Variants in RBFOX1 observed in about 807,000 individuals in gnomAD.
RBFOX1 encodes RNA binding protein fox-1 homolog 1.
In RBFOX1, 8 loss-of-function variants were observed where a neutral mutation model predicts 57.7. That is an observed-to-expected ratio of 0.14 (90% CI 0.08 to 0.25). The LOEUF (loss-of-function observed/expected upper bound fraction) is 0.25, where lower values mean the gene tolerates loss of function less well. Ranked by LOEUF, RBFOX1 falls within the 10% of genes least tolerant of loss-of-function variation. The pLI is 1.00. For missense variants in RBFOX1, 611 were observed against 548.5 expected, an observed-to-expected ratio of 1.11 and a Z score of -1.14; for synonymous variants, 326 against 222.4, an observed-to-expected ratio of 1.47 and a Z score of -4.15.
At chr16:7,656,186 C>G (rs2066253814) in intron 12 of RBFOX1, among the ~76,000 whole-genome samples, 1 of 152,170 alleles carries the variant, frequency 6.6e-6, no homozygotes, top group African/African-American at 2.4e-5. Context: ...ACTAAGATTG[C>G]AAGCATTCAT....
At position 7,387,556 on chromosome 16, in the gene RBFOX1, C is replaced by A. The variant is rs147731501; in HGVS notation, c.28-130591C>A. Among the ~76,000 whole-genome samples the A allele has an allele frequency of 5.4e-3, 825 of 152,278 alleles. 8 individuals are homozygous for A. The highest frequency in any genetic ancestry group is 0.019 in the African/African-American group (772 of 41,558). On this transcript the variant is annotated intron_variant, in intron 4 of 15. Coordinates refer to ENST00000550418, the MANE Select transcript of RBFOX1 (RefSeq NM_018723.4). Reference sequence around the variant, plus strand: ...GGCAAGAAGAGAGTGGCACATTGATCTCAAACTGTGAAATAAATCCATACG... The same window carrying A: ...GGCAAGAAGAGAGTGGCACATTGATATCAAACTGTGAAATAAATCCATACG...
rs181867604 is a variant in RBFOX1 at position 6,162,361 on chromosome 16, T to C, written c.-127+142369T>C. On this transcript the variant is annotated intron_variant, in intron 1 of 15. Coordinates refer to ENST00000550418, the MANE Select transcript of RBFOX1 (RefSeq NM_018723.4). ...AACTCCTGGCCTTATGTGATCCACCTGCTTCCGCCTTCCAAACTGCTGGGA... is the reference window on the plus strand; with the variant it reads ...AACTCCTGGCCTTATGTGATCCACCCGCTTCCGCCTTCCAAACTGCTGGGA... 2.4e-3 allele frequency among the ~76,000 whole-genome samples: 358 copies of C among 152,292 alleles called. 5 individuals carry two copies. The highest frequency in any genetic ancestry group is 7.6e-3 in the African/African-American group (318 of 41,574).
chr16:5,830,880 G>A (rs1026422179), intron 3 of RBFOX1, among the ~76,000 whole-genome samples: 1 of 152,124 alleles, frequency 6.6e-6, no homozygotes, highest in Non-Finnish European at 1.5e-5. Context: ...TAGAATGATT[G>A]GCTTTTGCTG....
chr16:7,360,978 A>G lies in RBFOX1; in HGVS notation c.28-157169A>G, dbSNP rs143396372. ...CATTCCAAAGGCAACCTGAGTCCTC[A>G]GCCTCTGTGTGCCATGATGAGAAAG... On this transcript the variant is annotated intron_variant, in intron 4 of 15. Transcript: ENST00000550418. 4.5e-4 allele frequency among the ~76,000 whole-genome samples: 69 copies of G among 152,318 alleles called. 1 individual carries two copies. The East Asian group carries it at 0.013, about 28-fold the overall frequency.
At chr16:7,411,680 G>A (rs1373409074) in intron 4 of RBFOX1, among the ~76,000 whole-genome samples, 1 of 151,994 alleles carries the variant, frequency 6.6e-6, no homozygotes, top group Non-Finnish European at 1.5e-5. Context: ...AAGGTGGGTG[G>A]ATCACCTGAG....
In RBFOX1 at chr16:5,556,322, C is replaced by T. The variant is rs141983628; in HGVS notation, c.259-42580C>T. ...TGTAAACGGTGGTATTCGTGATTGG[C>T]TCTGGTGGGGCCTTGCCTACCCTCC... On this transcript the variant is annotated intron_variant, in intron 2 of 2. Transcript: ENST00000585867. Among the ~76,000 whole-genome samples the T allele has an allele frequency of 2.0e-5, 3 of 152,270 alleles. No homozygotes were observed. In the East Asian group the frequency reaches 5.8e-4, roughly 29 times the overall value.
At chr16:6,569,674 A>C (rs1163182149) in intron 2 of RBFOX1, among the ~76,000 whole-genome samples, 2 of 152,108 alleles carry the variant, frequency 1.3e-5, no homozygotes, top group Non-Finnish European at 2.9e-5. Context: ...TTCTGTGGGA[A>C]CCCATCCTGT....
chr16:5,989,880 A>ACACACACACACACAC (rs33912010), intron 4 of RBFOX1, among the ~76,000 whole-genome samples: 2 of 127,208 alleles, frequency 1.6e-5, no homozygotes, highest in African/African-American at 2.9e-5. Flanking sequence ...ACACACACAC[A>ACACACACACACACAC]CCACCCCTGT....
At chr16:5,614,663 T>G (rs2047953995) in intron 3 of RBFOX1, among the ~76,000 whole-genome samples, 4 of 152,152 alleles carry the variant, frequency 2.6e-5, no homozygotes, top group African/African-American at 4.8e-5. Context: ...ATTTTCCAGT[T>G]GTCAACATTC....
intron 3 of RBFOX1, among the ~76,000 whole-genome samples, chr16:6,887,271 G>C (rs1433267105): frequency 6.6e-6 from 1 of 152,176 alleles, no homozygotes; most frequent in Non-Finnish European, 1.5e-5. Context: ...TGTGTTATCT[G>C]CGAAGATGTT....
At chr16:6,153,577 C>G (rs1025745792) in intron 1 of RBFOX1, among the ~76,000 whole-genome samples, 10 of 152,068 alleles carry the variant, frequency 6.6e-5, no homozygotes, top group Admixed American at 1.3e-4. Flanking sequence ...CCTCTGTTGC[C>G]CAGGCTGAAG....
chr16:7,456,671 C>T (rs889831638), intron 4 of RBFOX1, among the ~76,000 whole-genome samples: 4 of 152,266 alleles, frequency 2.6e-5, no homozygotes, highest in Admixed American at 6.5e-5. Context: ...CTCAGCATCA[C>T]CCAACGGTCT....
At chr16:5,518,818 A>T (rs1392246100) in intron 2 of RBFOX1, among the ~76,000 whole-genome samples, 1 of 152,228 alleles carries the variant, frequency 6.6e-6, no homozygotes, top group Non-Finnish European at 1.5e-5. Flanking sequence ...AAAATGACAG[A>T]TTCAAGATGA....
At chr16:5,553,465 G>A (rs1001048565) in intron 2 of RBFOX1, among the ~76,000 whole-genome samples, 9 of 151,904 alleles carry the variant, frequency 5.9e-5, no homozygotes, top group East Asian at 1.9e-4. Context: ...ACAGGCGCCC[G>A]CCACCACGCC....
At chr16:7,336,247 G>T (rs1344594102) in intron 4 of RBFOX1, among the ~76,000 whole-genome samples, 1 of 152,180 alleles carries the variant, frequency 6.6e-6, no homozygotes, top group South Asian at 2.1e-4. Context: ...CAACAGCTTT[G>T]TAACTGGTTA....
At chr16:6,011,389 C>T (rs759433264) in intron 4 of RBFOX1, among the ~76,000 whole-genome samples, 1 of 151,478 alleles carries the variant, frequency 6.6e-6, no homozygotes, top group South Asian at 2.1e-4. Flanking sequence ...TTTTTATTGG[C>T]CTTTGGATCC....
intron 1 of RBFOX1, among the ~76,000 whole-genome samples, chr16:5,417,020 A>T (rs2067180219): frequency 6.6e-6 from 1 of 152,194 alleles, no homozygotes; most frequent in Non-Finnish European, 1.5e-5. Flanking sequence ...AGAGAGAGCA[A>T]GGAAGAAGAT....
At chr16:6,871,863 C>T (rs772448246) in intron 3 of RBFOX1, among the ~76,000 whole-genome samples, 11 of 151,332 alleles carry the variant, frequency 7.3e-5, no homozygotes. Flanking sequence ...AAATCCGCAT[C>T]TGATGGCACT....
At chr16:6,369,153 G>C (rs1260250151) in intron 2 of RBFOX1, among the ~76,000 whole-genome samples, 1 of 152,120 alleles carries the variant, frequency 6.6e-6, no homozygotes, top group African/African-American at 2.4e-5. Context: ...TAATCTATTG[G>C]TAGTATTTAC....
Sources: gnomAD v4.1 joint callset for allele counts (sites outside exome capture counted in the v4.1 genomes callset) on GRCh38, gnomAD v4.1.1 for gene constraint, MANE v1.5 for transcripts, NCBI Gene and HGNC (gene_info 2026-07-23, HGNC 2026-07-21) for gene names.